Variants in FIG4 observed in about 807,000 individuals in gnomAD.
The protein encoded by FIG4 is FIG4 phosphoinositide 5-phosphatase.
Under a neutral mutation model 118.6 loss-of-function variants are expected in FIG4, and 112 were observed. That is an observed-to-expected ratio of 0.94 (90% CI 0.81 to 1.11). The LOEUF (loss-of-function observed/expected upper bound fraction) is 1.11. Among genes scored for constraint, FIG4 ranks in the 50% least tolerant of loss-of-function variants. The pLI is 0.00. For synonymous variants in FIG4, 369 were observed against 381.2 expected (o/e 0.97, Z 0.37); for missense variants, 969 against 1,111.7 (o/e 0.87, Z 1.83).
At chr6:109,698,501 C>A (rs941119886) in intron 1 of FIG4, among the ~76,000 whole-genome samples, 11 of 152,212 alleles carry the variant, frequency 7.2e-5, no homozygotes, top group Non-Finnish European at 1.6e-4. Context: ...ATTTCTTTCT[C>A]TTGACCTATG....
chr6:109,736,653 C>A (rs1257766169), intron 6 of FIG4, among the ~76,000 whole-genome samples: 1 of 152,144 alleles, frequency 6.6e-6, no homozygotes, highest in Non-Finnish European at 1.5e-5. Context: ...TGAATTAAGC[C>A]TCCAATGCTA....
At chr6:109,768,610 A>G (rs1777354450) in intron 15 of FIG4, among the ~76,000 whole-genome samples, 1 of 152,210 alleles carries the variant, frequency 6.6e-6, no homozygotes, top group Non-Finnish European at 1.5e-5. Context: ...ACGTGCTGGC[A>G]GAATTCAGTT....
At position 109,724,277 on chromosome 6, in the gene FIG4, C is replaced by A. The variant is rs140515854; in HGVS notation, c.290-2832C>A. 2.6e-4 allele frequency among the ~76,000 whole-genome samples: 40 copies of A among 152,258 alleles called. 1 individual carries two copies. Among genetic ancestry groups the A allele is most frequent in the East Asian group, 2.1e-3 (11 of 5,188 alleles). On this transcript the variant is annotated intron_variant, in intron 3 of 22. Coordinates refer to ENST00000230124, the MANE Select transcript of FIG4 (RefSeq NM_014845.6). ...TTTGCTCACTGCCACTCCTCTCCCCCCTGGGATTCCATTAACTAATATTTC... is the reference window on the plus strand; with the variant it reads ...TTTGCTCACTGCCACTCCTCTCCCCACTGGGATTCCATTAACTAATATTTC...
rs1406467503 is a variant in FIG4 at position 109,741,692 on chromosome 6, G to A, written c.876+148G>A. On this transcript the variant is annotated intron_variant, in intron 8 of 22. Transcript: ENST00000230124. ...CAGTTGCCTTTTAGTATCAACAAGG[G>A]ATTGGTTCTAGGAACCCTCTTCCCA... The A allele has an allele frequency of 5.7e-6, 4 of 697,630 alleles. No homozygotes were observed. The East Asian group carries it at 8.1e-5, about 14-fold the overall frequency. 43.2% of individuals were successfully genotyped at this position (697,630 alleles called of 1,614,324 possible).
intron 1 of FIG4, among the ~76,000 whole-genome samples, chr6:109,703,401 C>G (rs1339026928): frequency 2.0e-5 from 3 of 152,108 alleles, no homozygotes; most frequent in African/African-American, 4.8e-5. Context: ...AATTCCCAAG[C>G]CTTTTGGAGG....
chr6:109,789,529 A>C, intron 18 of FIG4, 65 bp from the exon 19 acceptor site: 1 of 1,154,526 alleles, frequency 8.7e-7, no homozygotes, highest in African/African-American at 1.5e-5. Flanking sequence ...GTGAACTGAG[A>C]TGGAAGCCAA....
chr6:109,786,657 C>G (rs1346278937), intron 18 of FIG4, among the ~76,000 whole-genome samples: 11 of 152,106 alleles, frequency 7.2e-5, no homozygotes, highest in Non-Finnish European at 1.5e-5. Context: ...GTTGATTTCT[C>G]CCCTTTGATA....
intron 15 of FIG4, among the ~76,000 whole-genome samples, chr6:109,775,294 T>C (rs982489130): frequency 1.3e-5 from 2 of 152,232 alleles, no homozygotes; most frequent in African/African-American, 4.8e-5. Flanking sequence ...TCAAGCTTAG[T>C]AAGTGACCGT....
chr6:109,725,487 T>A lies in FIG4; in HGVS notation c.290-1622T>A, dbSNP rs139673901. Among the ~76,000 whole-genome samples, 106 of 152,346 alleles carry A rather than the reference T, an allele frequency of 7.0e-4. No individual in the cohort carries two copies. In the East Asian group the frequency reaches 0.014, roughly 20 times the overall value. On this transcript the variant is annotated intron_variant, in intron 3 of 22. Coordinates refer to ENST00000230124, the MANE Select transcript of FIG4 (RefSeq NM_014845.6). ...CATGGTGTATATGTGCCACGTTTCC[T>A]TTATCCAGTCTATCATTGATGAGCA...
At chr6:109,820,563 G>T (rs1778976715) in intron 22 of FIG4, among the ~76,000 whole-genome samples, 1 of 152,102 alleles carries the variant, frequency 6.6e-6, no homozygotes, top group South Asian at 2.1e-4. Flanking sequence ...AGGAGGGGTG[G>T]TGTAGCAGTG....
chr6:109,765,780 T>A (rs1777262049), intron 14 of FIG4, among the ~76,000 whole-genome samples: 1 of 152,200 alleles, frequency 6.6e-6, no homozygotes, highest in Non-Finnish European at 1.5e-5. Context: ...GTCTATTGGA[T>A]CTATGACAGT....
intron 16 of FIG4, among the ~76,000 whole-genome samples, chr6:109,782,026 G>T (rs1382413751): frequency 6.6e-6 from 1 of 151,724 alleles, no homozygotes; most frequent in Non-Finnish European, 1.5e-5. Flanking sequence ...ATGTTTCAGG[G>T]GGCTCCCAAG....
chr6:109,806,196 T>C (rs1310918328), intron 22 of FIG4, among the ~76,000 whole-genome samples: 1 of 152,228 alleles, frequency 6.6e-6, no homozygotes, highest in African/African-American at 2.4e-5. Context: ...AGTTACTGGT[T>C]TGTTTATAAA....
chr6:109,784,991 A>G lies in FIG4; in HGVS notation c.1911A>G (p.Pro637=). 1 of 1,567,654 alleles carries G rather than the reference A, an allele frequency of 6.4e-7. No individual in the cohort carries two copies. Among genetic ancestry groups the G allele is most frequent in the Non-Finnish European group, 8.8e-7 (1 of 1,138,314 alleles). The change falls in exon 17 of 23, where the codon CCA becomes CCG. Residue 637 remains proline (P), a synonymous_variant. Transcript: ENST00000230124. ...TRRSYTYWWT[P]EVIKHLPLPY... is the part of the protein sequence containing the mutation. Reference sequence around the variant, plus strand: ...ATAGTTATACTTACTGGTGGACACCAGAGGTGATAAAGCATTTACCATTGC... The same window carrying G: ...ATAGTTATACTTACTGGTGGACACCGGAGGTGATAAAGCATTTACCATTGC...
chr6:109,819,512 A>T (rs1447386596), intron 22 of FIG4, among the ~76,000 whole-genome samples: 3 of 152,322 alleles, frequency 2.0e-5, no homozygotes, highest in Non-Finnish European at 4.4e-5. Context: ...TCTGTTGTCC[A>T]GACTGGAATG....
intron 1 of FIG4, among the ~76,000 whole-genome samples, chr6:109,695,186 A>G (rs977994585): frequency 1.3e-5 from 2 of 152,258 alleles, no homozygotes; most frequent in Admixed American, 6.5e-5. Flanking sequence ...CATTTTTGTA[A>G]CTAATGATAC....
intron 20 of FIG4, 115 bp from the exon 21 acceptor site, chr6:109,792,467 G>T (rs989874314): frequency 2.9e-6 from 2 of 697,602 alleles, no homozygotes; most frequent in Non-Finnish European, 2.5e-6. Context: ...GGTTAAAGAA[G>T]CACTGTGATT....
chr6:109,782,279 A>G (rs1337478513), intron 16 of FIG4, among the ~76,000 whole-genome samples: 2 of 152,144 alleles, frequency 1.3e-5, no homozygotes, highest in Non-Finnish European at 2.9e-5. Flanking sequence ...AGAGGTGGTA[A>G]AGATTCCCCT....
intron 4 of FIG4, among the ~76,000 whole-genome samples, chr6:109,728,829 A>G (rs1775896723): frequency 6.6e-6 from 1 of 152,174 alleles, no homozygotes; most frequent in Admixed American, 6.6e-5. Context: ...GAAAATTTCA[A>G]GAAGTTAATG....
Sources: allele counts gnomAD v4.1 joint callset (sites outside exome capture counted in the v4.1 genomes callset), GRCh38; gene constraint gnomAD v4.1.1; transcripts MANE v1.5; gene names NCBI Gene and HGNC (gene_info 2026-07-23, HGNC 2026-07-21).